RFTN1: variants seen among roughly 807,000 people sequenced by gnomAD.
The protein encoded by RFTN1 is raftlin, lipid raft linker 1, also known as raftlin.
In RFTN1, 26 loss-of-function variants were observed where a neutral mutation model predicts 46.5. The observed-to-expected ratio is 0.56, with a 90% CI of 0.41 to 0.78. RFTN1 has a LOEUF of 0.78. Among genes scored for constraint, RFTN1 ranks in the 30% least tolerant of loss-of-function variants. RFTN1 has a pLI of 0.00. For missense variants in RFTN1, 693 were observed against 718.7 expected (o/e 0.96, Z 0.41); for synonymous variants, 261 against 284.2 (o/e 0.92, Z 0.82).
intron 4 of RFTN1, among the ~76,000 whole-genome samples, chr3:16,389,811 A>G (rs1346715253): frequency 6.6e-6 from 1 of 152,206 alleles, no homozygotes; most frequent in African/African-American, 2.4e-5. Flanking sequence ...TGTCCCCTGT[A>G]CTTCAACCAC....
chr3:16,508,527 G>A (rs1343839401), intron 1 of RFTN1, among the ~76,000 whole-genome samples: 2 of 152,156 alleles, frequency 1.3e-5, no homozygotes, highest in Non-Finnish European at 2.9e-5. Flanking sequence ...GGAATTAGCC[G>A]GGTTCAAGCA....
chr3:16,390,440 G>A (rs2074317098), intron 4 of RFTN1, among the ~76,000 whole-genome samples: 1 of 152,096 alleles, frequency 6.6e-6, no homozygotes, highest in Non-Finnish European at 1.5e-5. Flanking sequence ...AGTTTGTGAT[G>A]GTGCATCCAA....
chr3:16,377,952 C>T lies in RFTN1; in HGVS notation c.592G>A (p.Ala198Thr), dbSNP rs771562565. The change falls in exon 5 of 10, where the codon GCG becomes ACG. Residue 198 changes from alanine (A) to threonine (T), a missense_variant. Physicochemically the swap from Ala to Thr is moderately conservative, Grantham distance 58. Coordinates refer to ENST00000334133, the MANE Select transcript of RFTN1 (RefSeq NM_015150.2). ...RDAKNARGDH[A>T]SLENEKPGTG... ...CCCGGTTTCTCATTCTCCAGTGACG[C>T]GTGATCCCCACGTGCGTTTTTTGCA... is the stretch of plus-strand genomic sequence containing the variant. 39 of 1,614,122 alleles carry T rather than the reference C, an allele frequency of 2.4e-5. No homozygotes were observed. In the African/African-American group the frequency reaches 3.7e-4, roughly 15 times the overall value.
rs1291146449 is a variant in RFTN1 at position 16,327,779 on chromosome 3, G to GA, written c.1147-904dup. On this transcript the variant is annotated intron_variant, in intron 7 of 9. Transcript: ENST00000334133. This position sits in a 1 kb window ranked among gnomAD's most constrained non-coding sequence, Gnocchi z 4.2. ...CCCATCTCAAAAAAAAAAACAAAAC[G>GA]AAAAAAACTTCAGCCCCCTGCTAGC... 1.3e-5 allele frequency among the ~76,000 whole-genome samples: 2 copies of GA among 151,194 alleles called. No homozygotes were observed. Among genetic ancestry groups the GA allele is most frequent in the Non-Finnish European group, 2.9e-5 (2 of 67,824 alleles).
chr3:16,477,981 C>T (rs1279648808), intron 2 of RFTN1, among the ~76,000 whole-genome samples: 2 of 152,116 alleles, frequency 1.3e-5, no homozygotes, highest in African/African-American at 2.4e-5. Flanking sequence ...AAAGAAATGA[C>T]AAAAATGGAA....
intron 7 of RFTN1, among the ~76,000 whole-genome samples, chr3:16,332,130 C>T (rs1431954523): frequency 6.6e-6 from 1 of 151,990 alleles, no homozygotes; most frequent in Non-Finnish European, 1.5e-5. Flanking sequence ...ACCTGATGGC[C>T]TTGCAATCTG....
Position 16,440,697 on chromosome 3 carries a change from GC to G in RFTN1, c.146-6661del, listed in dbSNP as rs147792004. 7.2e-3 allele frequency among the ~76,000 whole-genome samples: 1,094 copies of G among 151,124 alleles called. 14 individuals carry two copies. Among genetic ancestry groups the G allele is most frequent in the African/African-American group, 0.025 (1,011 of 40,570 alleles). ...GATGGTTACTGCTAATGGGGGGGGG[GC>G]CCAATGGTGCCAGAACTTCTAACTC... On this transcript the variant is annotated intron_variant, in intron 2 of 9. Transcript: ENST00000334133. This position sits in a 1 kb window ranked among gnomAD's most constrained non-coding sequence, Gnocchi z 4.6.
intron 4 of RFTN1, among the ~76,000 whole-genome samples, chr3:16,404,755 C>T (rs536206431): frequency 1.3e-5 from 2 of 152,054 alleles, no homozygotes; most frequent in Non-Finnish European, 2.9e-5. Context: ...CACACCTCTC[C>T]GAAGCTCTCT....
intron 7 of RFTN1, chr3:16,349,697 C>T (rs1411316829): frequency 6.6e-6 from 1 of 152,258 alleles, no homozygotes; most frequent in Non-Finnish European, 1.5e-5. Flanking sequence ...GTCTAAGAGA[C>T]TGTGAAGTTT....
intron 4 of RFTN1, among the ~76,000 whole-genome samples, chr3:16,404,738 C>G (rs144304584): frequency 2.2e-4 from 34 of 152,162 alleles, no homozygotes; most frequent in African/African-American, 7.9e-4. Context: ...TTGCAGAGCC[C>G]TCGTTCCACA....
rs1385862452 is a variant in RFTN1 at position 16,410,241 on chromosome 3, A to T, written c.333-758T>A. Among the ~76,000 whole-genome samples the T allele has an allele frequency of 6.7e-6, 1 of 150,132 alleles. No individual in the cohort carries two copies. The highest frequency in any genetic ancestry group is 1.5e-5 in the Non-Finnish European group (1 of 67,290). On this transcript the variant is annotated intron_variant, in intron 3 of 9. Coordinates refer to ENST00000334133, the MANE Select transcript of RFTN1 (RefSeq NM_015150.2). The surrounding 1 kb of genome is among the most constrained non-coding windows in gnomAD (Gnocchi z 4.6). Reference sequence around the variant, plus strand: ...CACACACACACACACACACACACACACACACACACACACACACAAACTCTC... The same window carrying T: ...CACACACACACACACACACACACACTCACACACACACACACACAAACTCTC...
At chr3:16,511,215 T>C (rs2125018667) in intron 1 of RFTN1, among the ~76,000 whole-genome samples, 1 of 152,360 alleles carries the variant, frequency 6.6e-6, no homozygotes, top group African/African-American at 2.4e-5. Flanking sequence ...CACAGGTGCA[T>C]GCATCTGTCA....
intron 2 of RFTN1, among the ~76,000 whole-genome samples, chr3:16,490,416 G>T (rs1234977584): frequency 6.6e-6 from 1 of 152,180 alleles, no homozygotes; most frequent in Non-Finnish European, 1.5e-5. Flanking sequence ...CTAGGCGGGG[G>T]CAGTGGGCAC....
intron 4 of RFTN1, among the ~76,000 whole-genome samples, chr3:16,395,772 T>G (rs576982222): frequency 6.6e-6 from 1 of 152,332 alleles, no homozygotes; most frequent in Admixed American, 6.5e-5. Flanking sequence ...TGTAGAATAT[T>G]TCGCTTCAAT....
chr3:16,430,927 A>G (rs1039732284), intron 3 of RFTN1, among the ~76,000 whole-genome samples: 2 of 152,184 alleles, frequency 1.3e-5, no homozygotes, highest in East Asian at 3.8e-4. Context: ...AGTGGAAGTA[A>G]ACAACCCCTA....
At position 16,474,014 on chromosome 3, in the gene RFTN1, C is replaced by T. The variant is rs966224644; in HGVS notation, c.145+19711G>A. 9.2e-5 allele frequency among the ~76,000 whole-genome samples: 14 copies of T among 152,264 alleles called. No individual in the cohort carries two copies. Among genetic ancestry groups the T allele is most frequent in the African/African-American group, 2.9e-4 (12 of 41,540 alleles). On this transcript the variant is annotated intron_variant, in intron 2 of 9. Coordinates refer to ENST00000334133, the MANE Select transcript of RFTN1 (RefSeq NM_015150.2). The surrounding 1 kb of genome is among the most constrained non-coding windows in gnomAD (Gnocchi z 5.5). The stretch of plus-strand genomic sequence containing the variant: ...TTGGAGAGGGATTGATTAGGACAAA[C>T]GCCCTCATTTTGCAGATGAAGGAAT...
intron 1 of RFTN1, among the ~76,000 whole-genome samples, chr3:16,503,662 C>T (rs1291084569): frequency 6.6e-6 from 1 of 152,118 alleles, no homozygotes; most frequent in Non-Finnish European, 1.5e-5. Flanking sequence ...AGAGCTCAGC[C>T]ATACGGATCT....
In RFTN1 at chr3:16,489,604, A is replaced by C. The variant is rs932092841; in HGVS notation, c.145+4121T>G. On this transcript the variant is annotated intron_variant, in intron 2 of 9. Transcript: ENST00000334133. This position sits in a 1 kb window ranked among gnomAD's most constrained non-coding sequence, Gnocchi z 4.0. ...TTCATTTATACCTTGATAAAGCTGA[A>C]AAATTTCTGAAACATGAGAGCAGGC... 6.6e-6 allele frequency among the ~76,000 whole-genome samples: 1 copy of C among 152,160 alleles called. No homozygotes were observed. The highest frequency in any genetic ancestry group is 1.5e-5 in the Non-Finnish European group (1 of 68,024).
chr3:16,430,524 T>C (rs563989189), intron 3 of RFTN1, among the ~76,000 whole-genome samples: 2 of 152,316 alleles, frequency 1.3e-5, no homozygotes, highest in South Asian at 4.1e-4. Flanking sequence ...ACTTTAAAAT[T>C]ATATTTTACA....
Sources: gnomAD v4.1 joint callset for allele counts (sites outside exome capture counted in the v4.1 genomes callset) on GRCh38, gnomAD v4.1.1 for gene constraint, Gnocchi (gnomAD v3.1) non-coding constraint, MANE v1.5 for transcripts, NCBI Gene and HGNC (gene_info 2026-07-23, HGNC 2026-07-21) for gene names.